VSIR: variants seen among roughly 807,000 people sequenced by gnomAD.
The protein encoded by VSIR is V-set immunoregulatory receptor.
VSIR carries 10 observed loss-of-function variants against 31.0 expected under a neutral mutation model. The ratio of observed to expected loss-of-function variants is 0.32; its 90% CI spans 0.20 to 0.55. The LOEUF is 0.55. Ranked by LOEUF, VSIR falls within the 20% of genes least tolerant of loss-of-function variation. VSIR has a pLI of 0.93. For synonymous variants in VSIR, 179 were observed against 180.1 expected (o/e 0.99, Z 0.05); for missense variants, 356 against 416.2 (o/e 0.86, Z 1.26).
In VSIR at chr10:71,761,996, G is replaced by A. The variant is rs758679492; in HGVS notation, c.113C>T (p.Pro38Leu). 1.6e-5 allele frequency: 26 copies of A among 1,610,210 alleles called. No homozygotes were observed. Among genetic ancestry groups the A allele is most frequent in the Admixed American group, 1.2e-4 (7 of 59,918 alleles). ...CTCGGGACAGACATACAGGGAATAC[G>A]GCGTGGCGACCTTGAAGGCTGCCAC... ...GPVAAFKVAT[P>L]YSLYVCPEGQ... is the part of the protein sequence containing the mutation. Residue 38 changes from proline to leucine, a missense_variant, in exon 2 of 7, where the codon CCG becomes CTG. Physicochemically the swap from Pro to Leu is moderately conservative, Grantham distance 98. Around this residue, in one of 2 missense-constraint regions of VSIR, gnomAD observed 166 missense variants for 231.0 expected, o/e 0.72. Coordinates refer to ENST00000394957, the MANE Select transcript of VSIR (RefSeq NM_022153.2).
chr10:71,763,723 G>A (rs1480479765), intron 1 of VSIR, among the ~76,000 whole-genome samples: 2 of 152,236 alleles, frequency 1.3e-5, no homozygotes, highest in Non-Finnish European at 2.9e-5. Context: ...CACATGAAGT[G>A]TTCTGTAAGT....
chr10:71,760,973 GC>G, intron 2 of VSIR, 49 bp from the exon 3 acceptor site: 3 of 1,583,408 alleles, frequency 1.9e-6, no homozygotes, highest in Non-Finnish European at 2.6e-6. Context: ...GGCCCAGGAG[GC>G]CAGGGAGGCT....
At chr10:71,765,896 G>C (rs1840529784) in intron 1 of VSIR, among the ~76,000 whole-genome samples, 1 of 152,140 alleles carries the variant, frequency 6.6e-6, no homozygotes, top group Non-Finnish European at 1.5e-5. Context: ...GACAAACCAA[G>C]GGTCCACAGG....
chr10:71,755,293 C>G, intron 4 of VSIR, 66 bp downstream of exon 4: 1 of 1,417,048 alleles, frequency 7.1e-7, no homozygotes, highest in South Asian at 1.2e-5. Flanking sequence ...ATCCCAGGGG[C>G]TGAACTGGGG....
At chr10:71,761,497 T>C in intron 2 of VSIR, 101 bp downstream of exon 2, 4 of 1,339,160 alleles carry the variant, frequency 3.0e-6, no homozygotes, top group South Asian at 1.5e-5. Context: ...GTGTTACCCA[T>C]GCAGCCTCAC....
intron 1 of VSIR, among the ~76,000 whole-genome samples, chr10:71,769,792 A>T (rs1402815113): frequency 1.3e-5 from 2 of 152,242 alleles, no homozygotes; most frequent in African/African-American, 4.8e-5. Context: ...GAGCAACCTC[A>T]TTATTGGATT....
In VSIR at chr10:71,755,407, G is replaced by C. The variant is rs769610380; in HGVS notation, c.628C>G (p.Leu210Val). Residue 210 changes from leucine (L) to valine (V), a missense_variant, in exon 4 of 7, where the codon CTC becomes GTC. By Grantham distance (32) the Leu-to-Val change is conservative. Around this residue, in one of 2 missense-constraint regions of VSIR, gnomAD observed 190 missense variants for 185.2 expected, o/e 1.03. Coordinates refer to ENST00000394957, the MANE Select transcript of VSIR (RefSeq NM_022153.2). The part of the protein sequence containing the change: ...ACIVGILCLP[L>V]ILLLVYKQRQ... ...TGCTTGTAGACCAGGAGCAGGATGA[G>C]GGGGAGGCAGAGGATTCCTACGATG... 2.8e-5 allele frequency: 45 copies of C among 1,613,374 alleles called. No individual in the cohort carries two copies. Among genetic ancestry groups the C allele is most frequent in the Non-Finnish European group, 3.6e-5 (43 of 1,179,878 alleles).
Position 71,752,965 on chromosome 10 carries a change from T to A in VSIR, c.704+10A>T. The A allele has an allele frequency of 1.9e-6, 3 of 1,612,694 alleles. No individual in the cohort carries two copies. Among genetic ancestry groups the A allele is most frequent in the South Asian group, 2.2e-5 (2 of 90,752 alleles). ...GGAAGTTTTCTCAAGAAGGTCTCCA[T>A]GGGCCTTACCTGTCCATCCGCACCA... On this transcript the variant is annotated intron_variant, in intron 5 of 6. Coordinates refer to ENST00000394957, the MANE Select transcript of VSIR (RefSeq NM_022153.2).
chr10:71,761,227 A>G (rs1448801588), intron 2 of VSIR, among the ~76,000 whole-genome samples: 1 of 152,116 alleles, frequency 6.6e-6, no homozygotes, highest in Non-Finnish European at 1.5e-5. Flanking sequence ...TATATTCTCC[A>G]ACAGCCATTC....
Position 71,755,458 on chromosome 10 carries a change from C to A in VSIR, c.577G>T (p.Ala193Ser), listed in dbSNP as rs1466265172. ...CAGGCACCCGTAGCCAGGGCTGCAG[C>A]CGTGATGTCTGAAAGGGCAGAGAGG... ...SSSQDSENIT[A>S]AALATGACIV... Residue 193 changes from alanine (A) to serine (S), a missense_variant, in exon 4 of 7, where the codon GCT becomes TCT. Ala to Ser is a moderately conservative substitution (Grantham distance 99, BLOSUM62 1). This residue lies in a region of VSIR where 190 missense variants were observed against 185.2 expected (regional missense o/e 1.03). Coordinates refer to ENST00000394957, the MANE Select transcript of VSIR (RefSeq NM_022153.2). 1.9e-6 allele frequency: 3 copies of A among 1,611,114 alleles called. No homozygotes were observed. The highest frequency in any genetic ancestry group is 3.4e-5 in the Admixed American group (2 of 59,638).
intron 1 of VSIR, among the ~76,000 whole-genome samples, chr10:71,767,598 T>C (rs376551686): frequency 7.2e-5 from 11 of 152,312 alleles, no homozygotes; most frequent in African/African-American, 2.4e-4. Flanking sequence ...GACTATGTTC[T>C]GTCTTTATCA....
chr10:71,772,075 G>A (rs1840698521), intron 1 of VSIR, among the ~76,000 whole-genome samples: 1 of 152,190 alleles, frequency 6.6e-6, no homozygotes, highest in African/African-American at 2.4e-5. Flanking sequence ...TGCTGAGACT[G>A]TCCATTCCAC....
intron 4 of VSIR, among the ~76,000 whole-genome samples, chr10:71,753,997 T>C (rs888522174): frequency 3.3e-5 from 5 of 152,214 alleles, no homozygotes; most frequent in Admixed American, 3.3e-4. Context: ...CAAAGCAGGA[T>C]GGAAATCCAC....
rs1453533336 is a variant in VSIR at position 71,773,352 on chromosome 10, C to A, written c.82+6G>T. The A allele has an allele frequency of 6.2e-7, 1 of 1,605,336 alleles. No individual in the cohort carries two copies. Among genetic ancestry groups the A allele is most frequent in the South Asian group, 1.1e-5 (1 of 89,880 alleles). On this transcript the variant is annotated splice_donor_region_variant and intron_variant, in intron 1 of 6. Transcript: ENST00000394957. ...TTTCCCAGCGCCCCGCCTCCCCCGA[C>A]CTTACCTAGGGACGCAGCCAGGAAG...
chr10:71,773,210 T>C, intron 1 of VSIR, 148 bp downstream of exon 1: 1 of 923,966 alleles, frequency 1.1e-6, no homozygotes, highest in Non-Finnish European at 1.6e-6. Context: ...TGCCTAGGGG[T>C]CCCAGCAGCC....
intron 1 of VSIR, among the ~76,000 whole-genome samples, chr10:71,771,998 C>G (rs1247723191): frequency 2.0e-5 from 3 of 152,252 alleles, no homozygotes; most frequent in Admixed American, 6.5e-5. Context: ...GGGATGCTGG[C>G]TTGCCTGCCT....
chr10:71,764,201 C>T lies in VSIR; in HGVS notation c.83-2175G>A, dbSNP rs147382739. Among the ~76,000 whole-genome samples the T allele has an allele frequency of 1.4e-3, 207 of 152,244 alleles. 3 individuals are homozygous for T. The highest frequency in any genetic ancestry group is 4.7e-3 in the African/African-American group (197 of 41,538). ...AGGTAACGCAGGATCTAGGCAGAAC[C>T]GTAATAAGAAGACACAGCATGTGTT... On this transcript the variant is annotated intron_variant, in intron 1 of 6. Transcript: ENST00000394957.
Position 71,761,890 on chromosome 10 carries a change from G to A in VSIR, c.219C>T (p.Tyr73=). ...TCTGCACCTCGCCCCTCGAGCTGCG[G>A]TACCACGTCTTGTAGAAGGTCACAT... ...GHDVTFYKTW[Y]RSSRGEVQTC... is the part of the protein sequence containing the mutation. Residue 73 remains tyrosine, a synonymous_variant, in exon 2 of 7, where the codon TAC becomes TAT. Transcript: ENST00000394957. 2 of 1,614,126 alleles carry A rather than the reference G, an allele frequency of 1.2e-6. No individual in the cohort carries two copies. Among genetic ancestry groups the A allele is most frequent in the Non-Finnish European group, 1.7e-6 (2 of 1,180,014 alleles).
At chr10:71,769,360 C>T (rs1840633708) in intron 1 of VSIR, among the ~76,000 whole-genome samples, 1 of 152,126 alleles carries the variant, frequency 6.6e-6, no homozygotes, top group South Asian at 2.1e-4. Context: ...ATATGGTTTT[C>T]CTGTTACGTT....
Sources: gnomAD v4.1 joint callset for allele counts (sites outside exome capture counted in the v4.1 genomes callset) on GRCh38, gnomAD v4.1.1 for gene constraint, gnomAD v4.1.1 regional missense constraint, MANE v1.5 for transcripts, NCBI Gene and HGNC (gene_info 2026-07-23, HGNC 2026-07-21) for gene names.